Variants in CAMK2D observed in about 807,000 individuals in gnomAD.
CAMK2D encodes calcium/calmodulin-dependent protein kinase type II subunit delta.
A neutral mutation model predicts 84.0 loss-of-function variants in CAMK2D; 37 were observed. The observed-to-expected ratio is 0.44, with a 90% confidence interval of 0.34 to 0.58. CAMK2D has a LOEUF of 0.58. Among genes scored for constraint, CAMK2D ranks in the 20% least tolerant of loss-of-function variants. The pLI is 0.02. For synonymous variants in CAMK2D, 202 were observed against 212.5 expected (o/e 0.95, Z 0.43); for missense variants, 448 against 652.5 (o/e 0.69, Z 3.41).
At chr4:113,480,095 G>A (rs2097682315) in intron 16 of CAMK2D, among the ~76,000 whole-genome samples, 1 of 152,026 alleles carries the variant, frequency 6.6e-6, no homozygotes, top group South Asian at 2.1e-4. Flanking sequence ...CTGAGTAGCT[G>A]GGACTACAGG....
chr4:113,725,370 C>T (rs990303827), intron 2 of CAMK2D, among the ~76,000 whole-genome samples: 1 of 152,076 alleles, frequency 6.6e-6, no homozygotes, highest in African/African-American at 2.4e-5. Context: ...TTTTCAATTT[C>T]ATTTTGTAAC....
At chr4:113,526,857 T>C (rs1415781809) in intron 8 of CAMK2D, among the ~76,000 whole-genome samples, 5 of 151,754 alleles carry the variant, frequency 3.3e-5, no homozygotes, top group Admixed American at 6.6e-5. Context: ...CAGAGGCCCA[T>C]GCAGGATCTG....
chr4:113,588,015 A>T (rs2098841929), intron 4 of CAMK2D, among the ~76,000 whole-genome samples: 2 of 152,172 alleles, frequency 1.3e-5, no homozygotes, highest in African/African-American at 4.8e-5. Flanking sequence ...ACATTTCTGG[A>T]AAGGGTTGAA....
intron 4 of CAMK2D, 60 bp from the exon 5 acceptor site, chr4:113,552,156 A>G: frequency 1.1e-6 from 1 of 928,592 alleles, no homozygotes; most frequent in Non-Finnish European, 1.7e-6. Context: ...AAGCATCAAT[A>G]GATTTGCAAA....
intron 2 of CAMK2D, among the ~76,000 whole-genome samples, chr4:113,720,901 C>T (rs998230807): frequency 6.6e-6 from 1 of 151,778 alleles, no homozygotes; most frequent in Non-Finnish European, 1.5e-5. Flanking sequence ...TTGAATATGC[C>T]CATTATTACA....
At chr4:113,702,661 C>A (rs1002980984) in intron 2 of CAMK2D, among the ~76,000 whole-genome samples, 2 of 152,122 alleles carry the variant, frequency 1.3e-5, no homozygotes, top group African/African-American at 2.4e-5. Context: ...GTAATCCCAG[C>A]ACTTTGGAAG....
At chr4:113,487,277 G>A (rs1262541237) in intron 16 of CAMK2D, among the ~76,000 whole-genome samples, 1 of 151,934 alleles carries the variant, frequency 6.6e-6, no homozygotes, top group East Asian at 1.9e-4. Flanking sequence ...AAATCAAGGG[G>A]GTTATAGCAG....
intron 2 of CAMK2D, among the ~76,000 whole-genome samples, chr4:113,688,992 C>CCCAGCA (rs1379667338): frequency 3.3e-5 from 5 of 151,256 alleles, no homozygotes; most frequent in African/African-American, 1.2e-4. Flanking sequence ...TGCCTGTAAC[C>CCCAGCA]CCAGCACTTT....
Position 113,547,704 on chromosome 4 carries a change from CTGAATGCAA to C in CAMK2D, c.345_353del (p.His115_Ile117del). The C allele has an allele frequency of 6.4e-7, 1 of 1,557,738 alleles. No homozygotes were observed. The highest frequency in any genetic ancestry group is 8.6e-7 in the Non-Finnish European group (1 of 1,158,086). Reference sequence around the variant, plus strand: ...AGTGTAGCACAGCCTCCAGGATCTGCTGAATGCAATGACTGCATGCAAACACCAGGGGGC... The same window carrying C: ...AGTGTAGCACAGCCTCCAGGATCTGCTGACTGCATGCAAACACCAGGGGGC... On this transcript the variant is annotated inframe_deletion, in exon 6 of 21. Transcript: ENST00000511664.
chr4:113,572,048 C>T (rs918582549), intron 4 of CAMK2D, among the ~76,000 whole-genome samples: 1 of 151,236 alleles, frequency 6.6e-6, no homozygotes, highest in Non-Finnish European at 1.5e-5. Context: ...ATGGGTAAAA[C>T]CCTGCAACAT....
At chr4:113,508,221 C>CAGAT (rs771558602) in intron 13 of CAMK2D, 16 of 1,531,546 alleles carry the variant, frequency 1.0e-5, no homozygotes, top group African/African-American at 4.1e-5. Flanking sequence ...AGAAATCTGG[C>CAGAT]AGATAGATCC....
intron 17 of CAMK2D, among the ~76,000 whole-genome samples, chr4:113,462,894 A>G (rs1002829374): frequency 3.3e-5 from 5 of 152,190 alleles, no homozygotes; most frequent in African/African-American, 1.2e-4. Context: ...TATTCTTTGG[A>G]TAATCATATG....
chr4:113,502,537 T>C (rs1225950232), intron 15 of CAMK2D, among the ~76,000 whole-genome samples: 3 of 136,956 alleles, frequency 2.2e-5, no homozygotes, highest in African/African-American at 5.5e-5. Context: ...AAAAAACCTA[T>C]AAAGTCAAGT....
chr4:113,674,111 A>C (rs2099307777), intron 2 of CAMK2D, among the ~76,000 whole-genome samples: 1 of 152,168 alleles, frequency 6.6e-6, no homozygotes, highest in South Asian at 2.1e-4. Context: ...ACCCTTTGGA[A>C]GCAGAGCTAG....
intron 4 of CAMK2D, among the ~76,000 whole-genome samples, chr4:113,558,679 CAT>C (rs1491475881): frequency 6.6e-6 from 1 of 151,722 alleles, no homozygotes; most frequent in East Asian, 2.0e-4. Flanking sequence ...ACTACTATGT[CAT>C]GTGTGTATAT....
At chr4:113,594,823 G>A (rs978946516) in intron 4 of CAMK2D, among the ~76,000 whole-genome samples, 8 of 152,164 alleles carry the variant, frequency 5.3e-5, no homozygotes, top group Admixed American at 5.2e-4. Context: ...GTGTAAATAT[G>A]TGTAATTTGT....
At chr4:113,690,188 G>C (rs2099382831) in intron 2 of CAMK2D, among the ~76,000 whole-genome samples, 1 of 152,072 alleles carries the variant, frequency 6.6e-6, no homozygotes, top group African/African-American at 2.4e-5. Flanking sequence ...GAAAATTCTT[G>C]AACAATTTAA....
At chr4:113,545,203 C>T (rs1591011624) in intron 6 of CAMK2D, among the ~76,000 whole-genome samples, 1 of 152,098 alleles carries the variant, frequency 6.6e-6, no homozygotes, top group African/African-American at 2.4e-5. Context: ...TAAGCCCCTA[C>T]GTTAGGTACT....
chr4:113,709,552 T>C (rs555937873), intron 2 of CAMK2D, among the ~76,000 whole-genome samples: 31 of 151,212 alleles, frequency 2.1e-4, no homozygotes, highest in African/African-American at 7.5e-4. Context: ...TGGGGGCTGA[T>C]TGGCTGAATG....
Sources: gnomAD v4.1 joint callset for allele counts (sites outside exome capture counted in the v4.1 genomes callset) on GRCh38, gnomAD v4.1.1 for gene constraint, MANE v1.5 for transcripts, NCBI Gene and HGNC (gene_info 2026-07-23, HGNC 2026-07-21) for gene names.